The following PCDHA4 variants were observed in gnomAD, a reference collection of about 807,000 sequenced individuals.
The protein encoded by PCDHA4 is protocadherin alpha 4, also known as protocadherin alpha-4.
PCDHA4 carries 49 observed loss-of-function variants against 61.4 expected under a neutral mutation model. The ratio of observed to expected loss-of-function variants is 0.80; its 90% confidence interval spans 0.63 to 1.01. The LOEUF (loss-of-function observed/expected upper bound fraction) is 1.01, where lower values mean the gene tolerates loss of function less well. PCDHA4 is among the 50% of genes least tolerant of loss of function. The pLI is 0.00. For synonymous variants in PCDHA4, 590 were observed against 550.3 expected, an observed-to-expected ratio of 1.07 and a Z score of -1.01; for missense variants, 1,254 against 1,235.8, an observed-to-expected ratio of 1.01 and a Z score of -0.22.
intron 1 of PCDHA4, chr5:140,813,264 A>C (rs1765257660): frequency 6.6e-6 from 1 of 152,168 alleles, no homozygotes; most frequent in African/African-American, 2.4e-5. Context: ...CAGTCATTGG[A>C]GATACATTCT....
chr5:140,884,113 G>T (rs782579609), intron 1 of PCDHA4: 15 of 1,613,390 alleles, frequency 9.3e-6, no homozygotes, highest in Admixed American at 3.3e-5. Context: ...AGCTGGCGGC[G>T]GTCGGCGCGC....
chr5:140,848,742 A>T (rs2150419290), intron 1 of PCDHA4: 2 of 1,593,114 alleles, frequency 1.3e-6, no homozygotes, highest in South Asian at 2.2e-5. Context: ...GCAGAATGGC[A>T]TTTTGTTTGT....
chr5:140,870,595 T>C, intron 1 of PCDHA4: 3 of 1,613,242 alleles, frequency 1.9e-6, no homozygotes, highest in Non-Finnish European at 2.5e-6. Flanking sequence ...GGAGCGGCGG[T>C]TGGGCGACCG....
chr5:140,836,071 C>T lies in PCDHA4; in HGVS notation c.2385+26499C>T, dbSNP rs2150251957. 10 of 1,613,504 alleles carry T rather than the reference C, an allele frequency of 6.2e-6. No homozygotes were observed. The East Asian group carries it at 1.8e-4, about 29-fold the overall frequency. The stretch of plus-strand genomic sequence containing the variant: ...GTGCTGGACGAGAACGACAACGCGC[C>T]GGCACTGCTGGCGCCTCGGGTGGGT... On this transcript the variant is annotated intron_variant, in intron 1 of 3. Transcript: ENST00000530339.
intron 1 of PCDHA4, chr5:140,867,940 ACTT>A (rs2050206930): frequency 6.6e-6 from 1 of 152,110 alleles, no homozygotes; most frequent in African/African-American, 2.4e-5. Flanking sequence ...TTTTCCATGA[ACTT>A]CTGCTCCCAA....
At position 140,857,606 on chromosome 5, in the gene PCDHA4, C is replaced by T. The variant is rs565842920; in HGVS notation, c.2385+48034C>T. The T allele has an allele frequency of 1.2e-4, 191 of 1,596,384 alleles. 13 individuals are homozygous for T. The South Asian group carries it at 2.1e-3, about 17-fold the overall frequency. ...GGAGAGCGGCAAGGTGTACGCGCTG[C>T]AGCCGCTGGACCACGAGGAGCTGGA... On this transcript the variant is annotated intron_variant, in intron 1 of 3. Coordinates refer to ENST00000530339, the MANE Select transcript of PCDHA4 (RefSeq NM_018907.4).
chr5:140,878,370 T>G (rs1049956194), intron 1 of PCDHA4, among the ~76,000 whole-genome samples: 1 of 152,272 alleles, frequency 6.6e-6, no homozygotes, highest in Non-Finnish European at 1.5e-5. Context: ...GTCTGACATA[T>G]GATGAATGAT....
intron 1 of PCDHA4, among the ~76,000 whole-genome samples, chr5:140,887,189 C>T (rs1268664594): frequency 6.6e-6 from 1 of 151,836 alleles, no homozygotes; most frequent in Non-Finnish European, 1.5e-5. Context: ...CTCCACCTCC[C>T]GGGTTCACGC....
chr5:140,931,279 C>T (rs73793526), intron 1 of PCDHA4, among the ~76,000 whole-genome samples: 2,016 of 152,088 alleles, frequency 0.013, 37 homozygotes, highest in African/African-American at 0.046. Context: ...CTTTTATTTT[C>T]ATTGCTTTCT....
intron 1 of PCDHA4, chr5:140,847,818 C>T (rs1781197996): frequency 1.3e-5 from 2 of 149,818 alleles, no homozygotes; most frequent in African/African-American, 2.4e-5. Flanking sequence ...CATAGAATTA[C>T]TCAAGAAAAC....
rs559374067 is a variant in PCDHA4, at chr5:140,810,804, A to G, written c.2385+1232A>G. On this transcript the variant is annotated intron_variant, in intron 1 of 3. Coordinates refer to ENST00000530339, the MANE Select transcript of PCDHA4 (RefSeq NM_018907.4). ...TTTTCAACCTCATGGCTAGTTTTTAATTCTTTTTTGTCTTTTGGTGAATAG... is the reference window on the plus strand; with the variant it reads ...TTTTCAACCTCATGGCTAGTTTTTAGTTCTTTTTTGTCTTTTGGTGAATAG... 3.3e-5 allele frequency: 5 copies of G among 151,878 alleles called. No individual in the cohort carries two copies. The East Asian group carries it at 7.7e-4, about 23-fold the overall frequency. The allele number at this position is 151,878 out of a possible 1,614,324, so 9.4% of individuals were successfully genotyped here.
At chr5:141,005,478 C>T (rs1021420332) in intron 3 of PCDHA4, among the ~76,000 whole-genome samples, 8 of 151,550 alleles carry the variant, frequency 5.3e-5, no homozygotes, top group East Asian at 3.9e-4. Context: ...CCGAGACGGG[C>T]GGATCATGAG....
intron 1 of PCDHA4, among the ~76,000 whole-genome samples, chr5:140,899,689 C>A (rs1033793263): frequency 4.6e-5 from 7 of 152,254 alleles, no homozygotes; most frequent in Admixed American, 4.6e-4. Flanking sequence ...ATGATGCTGG[C>A]CTCATAAAAT....
chr5:140,883,851 T>C, intron 1 of PCDHA4: 1 of 1,612,946 alleles, frequency 6.2e-7, no homozygotes, highest in African/African-American at 1.3e-5. Context: ...CACGAGGAGC[T>C]GGAGCTGTTG....
chr5:140,923,644 C>G (rs1554201552), intron 1 of PCDHA4, among the ~76,000 whole-genome samples: 1 of 152,204 alleles, frequency 6.6e-6, no homozygotes. Flanking sequence ...AAATCTTTAG[C>G]CTCCCTTATC....
intron 1 of PCDHA4, among the ~76,000 whole-genome samples, chr5:140,890,049 G>T (rs1488374417): frequency 1.3e-5 from 2 of 152,158 alleles, no homozygotes; most frequent in Non-Finnish European, 2.9e-5. Flanking sequence ...GTGTGTTGGA[G>T]CTGGCTCTTT....
intron 1 of PCDHA4, chr5:140,871,033 C>T (rs201299652): frequency 1.2e-6 from 2 of 1,613,234 alleles, no homozygotes; most frequent in East Asian, 2.2e-5. Context: ...CTCGCCGCGC[C>T]ACCGACTTCT....
rs2150340110 is a variant in PCDHA4, at chr5:140,842,596, A to G, written c.2385+33024A>G. On this transcript the variant is annotated intron_variant, in intron 1 of 3. Coordinates refer to ENST00000530339, the MANE Select transcript of PCDHA4 (RefSeq NM_018907.4). ...GAGTGTCGGCCTATGAGTTGGTGGTAACCGCGCGGGACGGGGGCTCGCCTT... is the reference window on the plus strand; with the variant it reads ...GAGTGTCGGCCTATGAGTTGGTGGTGACCGCGCGGGACGGGGGCTCGCCTT... 5.2e-6 allele frequency: 8 copies of G among 1,537,682 alleles called. 1 individual carries two copies. Among genetic ancestry groups the G allele is most frequent in the South Asian group, 3.4e-5 (3 of 88,884 alleles).
chr5:140,835,312 T>C (rs1231514628), intron 1 of PCDHA4: 1 of 1,613,246 alleles, frequency 6.2e-7, no homozygotes, highest in Non-Finnish European at 8.5e-7. Context: ...CATATGGATT[T>C]TGAAGAAAGT....
Sources: allele counts gnomAD v4.1 joint callset (sites outside exome capture counted in the v4.1 genomes callset), GRCh38; gene constraint gnomAD v4.1.1; transcripts MANE v1.5; gene names NCBI Gene and HGNC (gene_info 2026-07-23, HGNC 2026-07-21).